STAU2: variants seen among roughly 807,000 people sequenced by gnomAD.
The protein encoded by STAU2 is double-stranded RNA-binding protein Staufen homolog 2.
Under a neutral mutation model 65.9 loss-of-function variants are expected in STAU2, and 20 were observed. The observed-to-expected ratio is 0.30, with a 90% CI of 0.21 to 0.44. The LOEUF (loss-of-function observed/expected upper bound fraction) is 0.44, where lower values mean the gene tolerates loss of function less well. Among genes scored for constraint, STAU2 ranks in the 20% least tolerant of loss-of-function variants. The pLI is 1.00. For missense variants in STAU2, 558 were observed against 683.9 expected (o/e 0.82, Z 2.05); for synonymous variants, 232 against 233.9 (o/e 0.99, Z 0.07).
At chr8:73,649,772 T>C (rs1334261776) in intron 6 of STAU2, among the ~76,000 whole-genome samples, 1 of 150,346 alleles carries the variant, frequency 6.7e-6, no homozygotes, top group African/African-American at 2.4e-5. Context: ...TTAGATGTCT[T>C]TGAGAAGGTT....
chr8:73,676,014 G>C (rs888975905), intron 5 of STAU2, among the ~76,000 whole-genome samples: 12 of 152,010 alleles, frequency 7.9e-5, no homozygotes, highest in African/African-American at 2.9e-4. Context: ...AGGATACATG[G>C]GAAGTCTATG....
rs140377113 is a variant in STAU2, at chr8:73,597,192, G to A, written c.1030-1895C>T. On this transcript the variant is annotated intron_variant, in intron 10 of 14. Transcript: ENST00000524300. ...AAGCCAAAAGTTGGTTCTCTAATAA[G>A]ACTAATAAAACAATAAACCAAAAGT... Among the ~76,000 whole-genome samples, 130 of 151,870 alleles carry A rather than the reference G, an allele frequency of 8.6e-4. No homozygotes were observed. In the East Asian group the frequency reaches 0.011, roughly 12 times the overall value.
chr8:73,567,496 C>T (rs1057307245), intron 12 of STAU2, among the ~76,000 whole-genome samples: 6 of 151,410 alleles, frequency 4.0e-5, no homozygotes, highest in Admixed American at 3.3e-4. Flanking sequence ...AACAAGAAAA[C>T]GATTAAAAAA....
At chr8:73,687,040 G>A (rs997953298) in intron 5 of STAU2, among the ~76,000 whole-genome samples, 4 of 148,832 alleles carry the variant, frequency 2.7e-5, no homozygotes, top group African/African-American at 4.9e-5. Flanking sequence ...CTACAGGCAC[G>A]CGCCACCATG....
chr8:73,442,150 C>T (rs528189004), intron 13 of STAU2, among the ~76,000 whole-genome samples: 20 of 151,998 alleles, frequency 1.3e-4, no homozygotes, highest in Non-Finnish European at 2.6e-4. Flanking sequence ...GTCAGGAGAT[C>T]GAGATCATCC....
intron 12 of STAU2, among the ~76,000 whole-genome samples, chr8:73,575,065 A>T (rs1384212442): frequency 6.6e-6 from 1 of 151,424 alleles, no homozygotes; most frequent in Non-Finnish European, 1.5e-5. Context: ...ACCAAACTTT[A>T]AAAGAAAACA....
At chr8:73,638,912 T>G (rs1482353167) in intron 6 of STAU2, among the ~76,000 whole-genome samples, 2 of 151,900 alleles carry the variant, frequency 1.3e-5, no homozygotes, top group Non-Finnish European at 2.9e-5. Flanking sequence ...GCAATACCAG[T>G]CAGTGTTGCA....
intron 6 of STAU2, among the ~76,000 whole-genome samples, chr8:73,660,770 A>T (rs544794327): frequency 6.6e-6 from 1 of 152,326 alleles, no homozygotes; most frequent in South Asian, 2.1e-4. Context: ...GGGAGAAATG[A>T]TTCTCTGGGT....
chr8:73,423,000 G>T (rs1816500266), intron 13 of STAU2, among the ~76,000 whole-genome samples: 1 of 152,194 alleles, frequency 6.6e-6, no homozygotes, highest in Admixed American at 6.5e-5. Flanking sequence ...CTTCCATGGT[G>T]ACATTGCATA....
At chr8:73,736,692 G>C (rs535418980) in intron 3 of STAU2, among the ~76,000 whole-genome samples, 21 of 152,212 alleles carry the variant, frequency 1.4e-4, no homozygotes, top group African/African-American at 4.8e-4. Flanking sequence ...GATGTATAAA[G>C]ACATCCAAGA....
chr8:73,717,148 A>T (rs7843867), intron 3 of STAU2, among the ~76,000 whole-genome samples: 49,819 of 151,916 alleles, frequency 0.33, 9,514 homozygotes, highest in African/African-American at 0.52. Flanking sequence ...TTGCTAACAA[A>T]GTTGGAGCAA....
intron 3 of STAU2, among the ~76,000 whole-genome samples, chr8:73,726,406 C>G (rs1271765272): frequency 5.3e-5 from 8 of 152,168 alleles, no homozygotes; most frequent in Admixed American, 4.6e-4. Flanking sequence ...CCAAACACCA[C>G]CTGTTTCCCA....
chr8:73,713,633 C>A (rs769408690), intron 3 of STAU2, among the ~76,000 whole-genome samples: 2 of 151,942 alleles, frequency 1.3e-5, no homozygotes, highest in African/African-American at 4.8e-5. Context: ...GGAGAAAGCA[C>A]ATAAAACAAC....
chr8:73,575,227 C>T (rs898160333), intron 12 of STAU2, among the ~76,000 whole-genome samples: 1 of 151,312 alleles, frequency 6.6e-6, no homozygotes, highest in African/African-American at 2.4e-5. Context: ...AGAAATGGCT[C>T]ATAGATCTAC....
At chr8:73,610,183 G>A (rs1217474918) in intron 9 of STAU2, among the ~76,000 whole-genome samples, 1 of 151,390 alleles carries the variant, frequency 6.6e-6, no homozygotes, top group Non-Finnish European at 1.5e-5. Context: ...TGGGAGGTGG[G>A]AGGATCACTC....
At chr8:73,557,277 T>C (rs1483155570) in intron 12 of STAU2, among the ~76,000 whole-genome samples, 3 of 151,534 alleles carry the variant, frequency 2.0e-5, no homozygotes, top group Non-Finnish European at 4.4e-5. Context: ...TAAAGATTAC[T>C]TTCTACAGAG....
At chr8:73,458,361 T>A (rs1819177455) in intron 13 of STAU2, among the ~76,000 whole-genome samples, 1 of 152,240 alleles carries the variant, frequency 6.6e-6, no homozygotes, top group Non-Finnish European at 1.5e-5. Context: ...TTATTCCTTC[T>A]TTCATTTAAT....
intron 12 of STAU2, among the ~76,000 whole-genome samples, chr8:73,564,142 C>G (rs4307335): frequency 1.3e-5 from 2 of 152,104 alleles, no homozygotes; most frequent in Non-Finnish European, 2.9e-5. Context: ...GAATGTGCAT[C>G]CAACATTTTA....
intron 13 of STAU2, among the ~76,000 whole-genome samples, chr8:73,429,764 C>T (rs773130718): frequency 6.6e-6 from 1 of 152,122 alleles, no homozygotes; most frequent in Non-Finnish European, 1.5e-5. Context: ...CGCTCACGTT[C>T]CAGATACCTG....
Sources: allele counts gnomAD v4.1 joint callset (sites outside exome capture counted in the v4.1 genomes callset), GRCh38; gene constraint gnomAD v4.1.1; transcripts MANE v1.5; gene names NCBI Gene and HGNC (gene_info 2026-07-23, HGNC 2026-07-21).